Variants in TG observed in about 807,000 individuals in gnomAD.
TG encodes thyroglobulin.
Under a neutral mutation model 324.7 loss-of-function variants are expected in TG, and 270 were observed. The observed-to-expected ratio is 0.83, with a 90% CI of 0.75 to 0.92. TG has a LOEUF of 0.92. Ranked by LOEUF, TG falls within the 40% of genes least tolerant of loss-of-function variation. The probability of loss-of-function intolerance (pLI) is 0.00; values close to 1 mark genes in which losing one functional copy is unlikely to be tolerated. For synonymous variants in TG, 1,401 were observed against 1,327.0 expected, an observed-to-expected ratio of 1.06 and a Z score of -1.21; for missense variants, 3,591 against 3,456.4, an observed-to-expected ratio of 1.04 and a Z score of -0.98.
At chr8:132,917,035 C>CCTTCCTTCCT (rs1563951792) in intron 20 of TG, among the ~76,000 whole-genome samples, 4 of 84,456 alleles carry the variant, frequency 4.7e-5, no homozygotes, top group African/African-American at 1.6e-4. Flanking sequence ...GCCTCCCTCC[C>CCTTCCTTCCT]TCCCTCCCTC....
intron 20 of TG, among the ~76,000 whole-genome samples, chr8:132,913,920 C>A (rs1819911779): frequency 6.6e-6 from 1 of 152,172 alleles, no homozygotes; most frequent in African/African-American, 2.4e-5. Flanking sequence ...CTCCCGGAGG[C>A]CCCTGGGGAA....
At chr8:132,965,872 A>C (rs1218617694) in intron 29 of TG, among the ~76,000 whole-genome samples, 1 of 152,226 alleles carries the variant, frequency 6.6e-6, no homozygotes. Flanking sequence ...GTTGAGGCTG[A>C]AAATGCAAGT....
intron 40 of TG, 91 bp from the exon 41 acceptor site, chr8:133,029,730 C>A: frequency 6.6e-7 from 1 of 1,517,244 alleles, no homozygotes; most frequent in Non-Finnish European, 9.1e-7. Flanking sequence ...CCTGGCGGGG[C>A]CGCATATATG....
Position 132,886,663 on chromosome 8 carries a change from C to T in TG, c.1291C>T (p.Gln431Ter). Residue 431 changes from glutamine to a stop codon, truncating the protein, a stop_gained, in exon 9 of 48, where the codon CAA (glutamine) becomes TAA (stop). Transcript: ENST00000220616. LOFTEE classifies it high-confidence loss of function. ...CCGCCCAATGGTGGAGGGACAGAGC[C>T]AACAGTTTTCTGTCTCAGAAAATCT... The part of the protein sequence containing the change: ...LLRPMVEGQS[Q>*]QFSVSENLLK... 1.9e-6 allele frequency: 3 copies of T among 1,614,176 alleles called. No individual in the cohort carries two copies. Among genetic ancestry groups the T allele is most frequent in the Non-Finnish European group, 1.7e-6 (2 of 1,180,040 alleles).
intron 35 of TG, among the ~76,000 whole-genome samples, chr8:132,990,351 C>G (rs1287201684): frequency 6.6e-6 from 1 of 151,996 alleles, no homozygotes; most frequent in Non-Finnish European, 1.5e-5. Context: ...TATCTTAATA[C>G]ATGTATACAA....
chr8:133,051,517 A>C (rs1270691965), intron 41 of TG, among the ~76,000 whole-genome samples: 1 of 152,196 alleles, frequency 6.6e-6, no homozygotes, highest in Admixed American at 6.5e-5. Context: ...GCAGAATATA[A>C]GGCCCCACGC....
intron 5 of TG, among the ~76,000 whole-genome samples, chr8:132,876,126 G>C (rs1286208130): frequency 6.6e-6 from 1 of 152,132 alleles, no homozygotes; most frequent in African/African-American, 2.4e-5. Flanking sequence ...AAATGGAATG[G>C]GTGAGGGGAG....
Position 132,887,120 on chromosome 8 carries a change from A to T in TG, c.1748A>T (p.His583Leu), listed in dbSNP as rs775348068. Residue 583 changes from histidine (H) to leucine (L), a missense_variant, in exon 9 of 48, where the codon CAT (histidine) becomes CTT (leucine). Transcript: ENST00000220616. ...ELPEFLLFLQ[H>L]AISVPEDVAR... ...CCAGAATTCCTTCTCTTCTTGCAAC[A>T]TGCTATCTCTGTGCCAGAAGATGTG... The T allele has an allele frequency of 6.2e-7, 1 of 1,614,098 alleles. No individual in the cohort carries two copies. Among genetic ancestry groups the T allele is most frequent in the African/African-American group, 1.3e-5 (1 of 74,944 alleles).
intron 41 of TG, among the ~76,000 whole-genome samples, chr8:133,061,035 G>A (rs3758112): frequency 0.27 from 40,366 of 152,050 alleles, 5,440 homozygotes; most frequent in African/African-American, 0.28. Context: ...TTTTTGAGAC[G>A]CAGTCTCACT....
intron 29 of TG, among the ~76,000 whole-genome samples, chr8:132,965,868 G>A (rs1379561004): frequency 6.6e-6 from 1 of 152,166 alleles, no homozygotes; most frequent in Non-Finnish European, 1.5e-5. Context: ...CCGAGTTGAG[G>A]CTGAAAATGC....
chr8:133,107,822 G>A (rs893863329), intron 43 of TG, among the ~76,000 whole-genome samples: 2 of 152,140 alleles, frequency 1.3e-5, no homozygotes, highest in African/African-American at 4.8e-5. Flanking sequence ...TGGCTGTGAA[G>A]GTGTTCTAGA....
chr8:132,923,200 C>A, intron 21 of TG, 138 bp from the exon 22 acceptor site: 2 of 974,098 alleles, frequency 2.1e-6, no homozygotes, highest in Non-Finnish European at 3.2e-6. Flanking sequence ...ACAGTGGGAA[C>A]ACTGAAGAGT....
chr8:132,936,024 C>T (rs1823533454), intron 25 of TG, among the ~76,000 whole-genome samples, 160 bp downstream of exon 25: 1 of 152,222 alleles, frequency 6.6e-6, no homozygotes, highest in African/African-American at 2.4e-5. Context: ...TTGGCAGACT[C>T]AGCACAGCAC....
chr8:133,122,302 C>G (rs1276275784), intron 45 of TG, among the ~76,000 whole-genome samples: 1 of 152,132 alleles, frequency 6.6e-6, no homozygotes, highest in African/African-American at 2.4e-5. Flanking sequence ...ATCAAAATCT[C>G]TAGTGTGAGA....
intron 30 of TG, 50 bp from the exon 31 acceptor site, chr8:132,967,744 C>A (rs1445523579): frequency 1.9e-6 from 3 of 1,600,712 alleles, no homozygotes; most frequent in South Asian, 1.1e-5. Context: ...AGATTATTCT[C>A]CCCTGTAGAC....
chr8:132,955,196 C>T (rs1432815113), intron 27 of TG, among the ~76,000 whole-genome samples: 1 of 152,270 alleles, frequency 6.6e-6, no homozygotes, highest in East Asian at 1.9e-4. Context: ...GTCTTTCCCC[C>T]CACAAGTCAC....
rs1166533435 is a variant in TG at position 132,886,810 on chromosome 8, G to T, written c.1438G>T (p.Val480Phe). The T allele has an allele frequency of 2.5e-6, 4 of 1,614,100 alleles. No homozygotes were observed. Among genetic ancestry groups the T allele is most frequent in the African/African-American group, 2.7e-5 (2 of 74,932 alleles). Residue 480 changes from valine to phenylalanine, a missense_variant, in exon 9 of 48, where the codon GTT becomes TTT. Coordinates refer to ENST00000220616, the MANE Select transcript of TG (RefSeq NM_003235.5). ...NLFGGKFLVNVGQFNLSGALG... is the reference protein window; with the variant it reads ...NLFGGKFLVNFGQFNLSGALG... ...TTTTGGAGGGAAATTTTTGGTGAAT[G>T]TTGGCCAGTTTAACTTGTCTGGAGC...
chr8:133,051,640 A>G (rs2252681), intron 41 of TG, among the ~76,000 whole-genome samples: 34,590 of 152,122 alleles, frequency 0.23, 4,608 homozygotes, highest in Middle Eastern at 0.35. Flanking sequence ...TGAAAAGGAA[A>G]GAGGGCTGTC....
chr8:133,007,771 CTT>C (rs75045660), intron 35 of TG, among the ~76,000 whole-genome samples: 68 of 128,784 alleles, frequency 5.3e-4, no homozygotes, highest in Admixed American at 5.5e-4. Flanking sequence ...TAATTTAGTT[CTT>C]TTTTTTTTTT....
Sources: allele counts gnomAD v4.1 joint callset (sites outside exome capture counted in the v4.1 genomes callset), GRCh38; gene constraint gnomAD v4.1.1; transcripts MANE v1.5; gene names NCBI Gene and HGNC (gene_info 2026-07-23, HGNC 2026-07-21).